Variants in IL5RA observed in about 807,000 individuals in gnomAD.
IL5RA encodes the protein interleukin 5 receptor subunit alpha.
A neutral mutation model predicts 50.0 loss-of-function variants in IL5RA; 49 were observed. That is an observed-to-expected ratio of 0.98 (90% CI 0.78 to 1.24). The LOEUF (loss-of-function observed/expected upper bound fraction) is 1.24, where lower values mean the gene tolerates loss of function less well. IL5RA is among the 50% of genes most tolerant of loss of function. The pLI is 0.00. For synonymous variants in IL5RA, 202 were observed against 174.0 expected, an observed-to-expected ratio of 1.16 and a Z score of -1.26; for missense variants, 600 against 500.4, an observed-to-expected ratio of 1.20 and a Z score of -1.90.
chr3:3,072,603 C>G (rs1702339812), intron 11 of IL5RA, among the ~76,000 whole-genome samples: 4 of 152,146 alleles, frequency 2.6e-5, no homozygotes, highest in Non-Finnish European at 5.9e-5. Flanking sequence ...GAGGCCAGGA[C>G]AAATGACTTC....
At chr3:3,071,024 G>T (rs769342743) in intron 11 of IL5RA, among the ~76,000 whole-genome samples, 5 of 152,010 alleles carry the variant, frequency 3.3e-5, no homozygotes, top group Non-Finnish European at 5.9e-5. Flanking sequence ...CCTAACTTTG[G>T]ACAGTTCTGA....
chr3:3,104,899 T>A lies in IL5RA; in HGVS notation c.82+4A>T, dbSNP rs373138520. 1.9e-6 allele frequency: 3 copies of A among 1,575,502 alleles called. No individual in the cohort carries two copies. Among genetic ancestry groups the A allele is most frequent in the African/African-American group, 2.7e-5 (2 of 74,206 alleles). On this transcript the variant is annotated splice_donor_region_variant and intron_variant, in intron 3 of 11. Coordinates refer to ENST00000446632, the MANE Select transcript of IL5RA (RefSeq NM_175726.4). ...CATTATTGAATTGAATAGAAGGTCCTTACTCTTTTCATCAGGAAGTAAGTC... is the reference window on the plus strand; with the variant it reads ...CATTATTGAATTGAATAGAAGGTCCATACTCTTTTCATCAGGAAGTAAGTC...
chr3:3,089,266 G>A lies in IL5RA; in HGVS notation c.994+2958C>T, dbSNP rs1188256641. 5.9e-5 allele frequency among the ~76,000 whole-genome samples: 9 copies of A among 152,338 alleles called. No homozygotes were observed. In the East Asian group the frequency reaches 1.7e-3, roughly 29 times the overall value. On this transcript the variant is annotated intron_variant, in intron 9 of 11. Transcript: ENST00000446632. The stretch of plus-strand genomic sequence containing the variant: ...CCCTGTAAGGCTGAGCTGGTTGTGT[G>A]TTGCACAACTTTAGGGGACGCTATT...
rs1010567981 is a variant in IL5RA at position 3,066,666 on chromosome 3, G to A, written c.*3559C>T. ...GGCTTCTTAATTCCACCAGCAGATG[G>A]TCCTGACACATAGAAGTCTCACCAT... is the stretch of plus-strand genomic sequence containing the variant. On this transcript the variant is annotated 3_prime_UTR_variant, in exon 12 of 12. Coordinates refer to ENST00000446632, the MANE Select transcript of IL5RA (RefSeq NM_175726.4). 1 of 152,062 alleles carries A rather than the reference G, an allele frequency of 6.6e-6. No homozygotes were observed. Among genetic ancestry groups the A allele is most frequent in the South Asian group, 2.1e-4 (1 of 4,818 alleles). 9.4% of individuals were successfully genotyped at this position (152,062 alleles called of 1,614,324 possible).
intron 9 of IL5RA, among the ~76,000 whole-genome samples, chr3:3,086,006 G>T (rs1054309965): frequency 6.6e-6 from 1 of 152,200 alleles, no homozygotes; most frequent in South Asian, 2.1e-4. Flanking sequence ...TCCCCTGGGT[G>T]TAGGTGCCAT....
intron 9 of IL5RA, among the ~76,000 whole-genome samples, chr3:3,085,478 G>A (rs1702819388): frequency 6.6e-6 from 1 of 152,192 alleles, no homozygotes; most frequent in South Asian, 2.1e-4. Context: ...GAGAGACAGA[G>A]AGAAGGGATT....
rs1559855452 is a variant in IL5RA, at chr3:3,066,902, C to A, written c.*3323G>T. 1 of 152,240 alleles carries A rather than the reference C, an allele frequency of 6.6e-6. No homozygotes were observed. The highest frequency in any genetic ancestry group is 1.5e-5 in the Non-Finnish European group (1 of 68,070). The allele number at this position is 152,240 out of a possible 1,614,324, so 9.4% of individuals were successfully genotyped here. On this transcript the variant is annotated 3_prime_UTR_variant, in exon 12 of 12. Transcript: ENST00000446632. Reference sequence around the variant, plus strand: ...CAAGGAAAGAAATTGGGCTAAAAATCCCTATTGGAACGGATATCTTGGAAA... The same window carrying A: ...CAAGGAAAGAAATTGGGCTAAAAATACCTATTGGAACGGATATCTTGGAAA...
At position 3,068,614 on chromosome 3, in the gene IL5RA, A is replaced by AAAAAAAAAG. The variant is rs1559856794; in HGVS notation, c.*1610_*1611insCTTTTTTTT. 1.5e-5 allele frequency: 2 copies of AAAAAAAAAG among 135,618 alleles called. No individual in the cohort carries two copies. Among genetic ancestry groups the AAAAAAAAAG allele is most frequent in the African/African-American group, 5.4e-5 (2 of 37,014 alleles). The allele number at this position is 135,618 out of a possible 1,614,324, so 8.4% of individuals were successfully genotyped here. A position where few individuals can be genotyped will look rare whatever the true frequency, so the allele number is the denominator to read the frequency against. On this transcript the variant is annotated 3_prime_UTR_variant, in exon 12 of 12. Coordinates refer to ENST00000446632, the MANE Select transcript of IL5RA (RefSeq NM_175726.4). ...AAAAAAAAAAAAAAAAAAAACAAAA[A>AAAAAAAAAG]CAGGTTTGAGATTATGAATCATTTG...
At chr3:3,108,392 T>A (rs958026785) in intron 2 of IL5RA, among the ~76,000 whole-genome samples, 158 bp downstream of exon 2, 1 of 152,224 alleles carries the variant, frequency 6.6e-6, no homozygotes, top group African/African-American at 2.4e-5. Flanking sequence ...GCTGTAAACA[T>A]AAAACTCTCT....
In IL5RA at chr3:3,095,458, C is replaced by A; in HGVS notation, c.710-14G>T. 1 of 1,564,116 alleles carries A rather than the reference C, an allele frequency of 6.4e-7. No homozygotes were observed. The highest frequency in any genetic ancestry group is 8.6e-7 in the Non-Finnish European group (1 of 1,161,750). ...GATTTATTTGATCTAAGTTAGGGAA[C>A]GAAAGATCAGTGATTTTTTTTTTAG... is the stretch of plus-strand genomic sequence containing the variant. On this transcript the variant is annotated splice_polypyrimidine_tract_variant and intron_variant, in intron 7 of 11. Transcript: ENST00000446632.
At chr3:3,081,490 C>A (rs1160394579) in intron 9 of IL5RA, among the ~76,000 whole-genome samples, 3 of 152,144 alleles carry the variant, frequency 2.0e-5, no homozygotes, top group Admixed American at 6.5e-5. Flanking sequence ...GTTAAACCAA[C>A]AGAAAAAGTG....
At chr3:3,071,567 G>GTGTA (rs1273671043) in intron 11 of IL5RA, among the ~76,000 whole-genome samples, 1 of 77,644 alleles carries the variant, frequency 1.3e-5, no homozygotes, top group African/African-American at 5.1e-5. Flanking sequence ...GTGTGTGTGT[G>GTGTA]TGTGTGTGTG....
At chr3:3,075,757 C>A (rs750572256) in intron 10 of IL5RA, among the ~76,000 whole-genome samples, 2 of 151,916 alleles carry the variant, frequency 1.3e-5, no homozygotes, top group African/African-American at 4.8e-5. Flanking sequence ...CGTACCACCA[C>A]GCCCAGCTAA....
chr3:3,097,975 A>G lies in IL5RA; in HGVS notation c.604T>C (p.Phe202Leu). The stretch of plus-strand genomic sequence containing the variant: ...CAGTCACGCCCTTTGCTGAGGATAA[A>G]AGTCCTGGGAAACCAGCATGCGATA... ...RNIACWFPRT[F>L]ILSKGRDWLA... The change falls in exon 7 of 12, where the codon TTT (phenylalanine) becomes CTT (leucine). Residue 202 changes from phenylalanine to leucine, a missense_variant. Transcript: ENST00000446632. The G allele has an allele frequency of 6.2e-7, 1 of 1,614,194 alleles. No homozygotes were observed.
Position 3,068,222 on chromosome 3 carries a change from G to C in IL5RA, c.*2003C>G, listed in dbSNP as rs148961649. On this transcript the variant is annotated 3_prime_UTR_variant, in exon 12 of 12. Coordinates refer to ENST00000446632, the MANE Select transcript of IL5RA (RefSeq NM_175726.4). Reference sequence around the variant, plus strand: ...CTCTAAGAATGGAGCCCACTCCTCTGTGTCTTAAGGAGCCCTCCAGGCGCC... The same window carrying C: ...CTCTAAGAATGGAGCCCACTCCTCTCTGTCTTAAGGAGCCCTCCAGGCGCC... The C allele has an allele frequency of 6.6e-6, 1 of 152,242 alleles. No homozygotes were observed. Among genetic ancestry groups the C allele is most frequent in the Non-Finnish European group, 1.5e-5 (1 of 68,044 alleles). 9.4% of individuals were successfully genotyped at this position (152,242 alleles called of 1,614,324 possible).
chr3:3,084,742 G>A (rs1383161356), intron 9 of IL5RA, among the ~76,000 whole-genome samples: 1 of 152,250 alleles, frequency 6.6e-6, no homozygotes, highest in Admixed American at 6.5e-5. Context: ...AAACCCGGAT[G>A]TCCCACCTAC....
intron 8 of IL5RA, among the ~76,000 whole-genome samples, chr3:3,095,054 T>G (rs1703294983): frequency 6.6e-6 from 1 of 152,166 alleles, no homozygotes; most frequent in African/African-American, 2.4e-5. Context: ...CCAGCACTAG[T>G]ACCAATGAGT....
Position 3,085,832 on chromosome 3 carries a change from C to T in IL5RA, c.994+6392G>A, listed in dbSNP as rs1448450263. On this transcript the variant is annotated intron_variant, in intron 9 of 11. Coordinates refer to ENST00000446632, the MANE Select transcript of IL5RA (RefSeq NM_175726.4). The stretch of plus-strand genomic sequence containing the variant: ...GAGACCCCCACTCCACCAGCTCAAA[C>T]TCCGACAGGAAAGCAAAGGCCAAGA... Among the ~76,000 whole-genome samples the T allele has an allele frequency of 1.1e-4, 16 of 152,276 alleles. No homozygotes were observed. The East Asian group carries it at 3.1e-3, about 29-fold the overall frequency.
rs186668730 is a variant in IL5RA at position 3,091,235 on chromosome 3, A to G, written c.994+989T>C. Among the ~76,000 whole-genome samples, 47 of 152,276 alleles carry G rather than the reference A, an allele frequency of 3.1e-4. No individual in the cohort carries two copies. In the Middle Eastern group the frequency reaches 0.027, roughly 88 times the overall value. Reference sequence around the variant, plus strand: ...CTTTTTTTAAAAAAGTATAAAGTCAAAATTAGGTATGGGAAAATCGAAGAG... The same window carrying G: ...CTTTTTTTAAAAAAGTATAAAGTCAGAATTAGGTATGGGAAAATCGAAGAG... On this transcript the variant is annotated intron_variant, in intron 9 of 11. Coordinates refer to ENST00000446632, the MANE Select transcript of IL5RA (RefSeq NM_175726.4).
Sources: allele counts gnomAD v4.1 joint callset (sites outside exome capture counted in the v4.1 genomes callset), GRCh38; gene constraint gnomAD v4.1.1; transcripts MANE v1.5; gene names NCBI Gene and HGNC (gene_info 2026-07-23, HGNC 2026-07-21).